ST7: variants seen among roughly 807,000 people sequenced by gnomAD.
ST7 encodes the protein suppressor of tumorigenicity 7 protein.
In ST7, 28 loss-of-function variants were observed where a neutral mutation model predicts 78.7. The observed-to-expected ratio is 0.36, with a 90% CI of 0.26 to 0.49. ST7 has a LOEUF of 0.49. Among genes scored for constraint, ST7 ranks in the 20% least tolerant of loss-of-function variants. The pLI, the probability that ST7 is intolerant of heterozygous loss-of-function variation, is 0.99. For synonymous variants in ST7, 247 were observed against 249.6 expected (o/e 0.99, Z 0.10); for missense variants, 418 against 696.0 (o/e 0.60, Z 4.49).
At position 117,132,052 on chromosome 7, in the gene ST7, G is replaced by A. The variant is rs896559615; in HGVS notation, c.641+92G>A. On this transcript the variant is annotated intron_variant, in intron 6 of 15. Coordinates refer to ENST00000323984, the MANE Select transcript of ST7 (RefSeq NM_001369598.1). ...ATTGATAGGATACTTAAATTAAACT[G>A]CATTTGAACTGGAGGATTATTTGGG... 6.4e-6 allele frequency: 8 copies of A among 1,241,312 alleles called. No individual in the cohort carries two copies. In the African/African-American group the frequency reaches 1.2e-4, roughly 19 times the overall value. 76.9% of individuals were successfully genotyped at this position (1,241,312 alleles called of 1,614,324 possible).
chr7:117,198,437 G>C (rs1282952958), intron 12 of ST7: 2 of 375,924 alleles, frequency 5.3e-6, no homozygotes, highest in East Asian at 1.7e-4. Context: ...CCTTGGCCTT[G>C]AGGACCCTCA....
At chr7:117,053,268 G>T (rs1282718415) in intron 1 of ST7, among the ~76,000 whole-genome samples, 1 of 152,130 alleles carries the variant, frequency 6.6e-6, no homozygotes, top group Non-Finnish European at 1.5e-5. Flanking sequence ...ATAATGATCA[G>T]GGCATCAGAA....
rs564739235 is a variant in ST7 at position 116,971,526 on chromosome 7, T to A, written c.151+17835T>A. On this transcript the variant is annotated intron_variant, in intron 1 of 15. Transcript: ENST00000323984. Reference sequence around the variant, plus strand: ...TGGTCAATTCTAATGAAAAAAAAAATAAGAAAAAAGAAATAATGTTGTCCA... The same window carrying A: ...TGGTCAATTCTAATGAAAAAAAAAAAAAGAAAAAAGAAATAATGTTGTCCA... 7.3e-5 allele frequency among the ~76,000 whole-genome samples: 11 copies of A among 151,682 alleles called. No individual in the cohort carries two copies. The South Asian group carries it at 2.3e-3, about 32-fold the overall frequency.
intron 9 of ST7, among the ~76,000 whole-genome samples, chr7:117,141,802 T>TG (rs1208275992): frequency 2.0e-5 from 3 of 152,230 alleles, no homozygotes; most frequent in Non-Finnish European, 2.9e-5. Context: ...CCCAAAGAGC[T>TG]GGGACTGCAG....
At chr7:117,134,314 A>G (rs528532366) in intron 7 of ST7, 122 bp downstream of exon 7, 4 of 1,423,232 alleles carry the variant, frequency 2.8e-6, no homozygotes, top group East Asian at 4.6e-5. Context: ...GTGTTGTGAC[A>G]AGGATGCATC....
At chr7:117,170,742 A>T in intron 9 of ST7, 120 bp from the exon 10 acceptor site, 1 of 332,378 alleles carries the variant, frequency 3.0e-6, no homozygotes, top group Non-Finnish European at 5.3e-6. Flanking sequence ...TAATCATTTT[A>T]CTTTGTGTAT....
intron 12 of ST7, among the ~76,000 whole-genome samples, chr7:117,199,330 C>T (rs867559408): frequency 1.4e-4 from 21 of 152,284 alleles, no homozygotes; most frequent in South Asian, 6.2e-4. Context: ...TCCTTCCTCC[C>T]TGCCCCTGCA....
chr7:116,998,531 G>A (rs946701458), intron 1 of ST7, among the ~76,000 whole-genome samples: 1 of 152,260 alleles, frequency 6.6e-6, no homozygotes, highest in African/African-American at 2.4e-5. Flanking sequence ...AGCAAGGGCT[G>A]CGAGGGCTGC....
chr7:117,065,799 C>T (rs2428286), intron 1 of ST7, among the ~76,000 whole-genome samples: 15,611 of 152,172 alleles, frequency 0.1, 864 homozygotes, highest in East Asian at 0.13. Flanking sequence ...GTTCAAAAAC[C>T]GTCAGTGATT....
intron 2 of ST7, among the ~76,000 whole-genome samples, chr7:117,105,778 G>T (rs188325526): frequency 6.6e-6 from 1 of 152,254 alleles, no homozygotes. Flanking sequence ...ACCCTGATTT[G>T]ATCTTTACAT....
chr7:117,015,842 C>A (rs553931689), intron 1 of ST7, among the ~76,000 whole-genome samples: 2 of 152,064 alleles, frequency 1.3e-5, no homozygotes, highest in South Asian at 2.1e-4. Flanking sequence ...AACTAAAGAA[C>A]GAAGAATTGG....
intron 1 of ST7, among the ~76,000 whole-genome samples, chr7:117,024,743 G>A (rs982705671): frequency 6.6e-6 from 1 of 152,188 alleles, no homozygotes; most frequent in African/African-American, 2.4e-5. Flanking sequence ...TGTGTCAGGG[G>A]ATCAGGAGTC....
intron 12 of ST7, among the ~76,000 whole-genome samples, chr7:117,207,050 G>A (rs1180691662): frequency 6.6e-6 from 1 of 151,952 alleles, no homozygotes; most frequent in African/African-American, 2.4e-5. Flanking sequence ...TATTGAAAAC[G>A]GATGGCACAT....
intron 10 of ST7, among the ~76,000 whole-genome samples, chr7:117,183,591 C>T (rs190468009): frequency 8.1e-4 from 124 of 152,236 alleles, no homozygotes; most frequent in Middle Eastern, 3.4e-3. Flanking sequence ...CTCATACTCC[C>T]TTCTAGCCAA....
chr7:117,043,553 T>C (rs1797338946), intron 1 of ST7, among the ~76,000 whole-genome samples: 1 of 152,222 alleles, frequency 6.6e-6, no homozygotes, highest in Admixed American at 6.5e-5. Context: ...ACAAGCCTTC[T>C]CAGAAGAGGT....
chr7:116,956,970 G>A, intron 1 of ST7: 1 of 203,470 alleles, frequency 4.9e-6, no homozygotes, highest in Non-Finnish European at 1.0e-5. Flanking sequence ...CCAAACAAAG[G>A]GACAAAGTTG....
At chr7:116,970,723 G>A (rs1320296110) in intron 1 of ST7, among the ~76,000 whole-genome samples, 1 of 152,096 alleles carries the variant, frequency 6.6e-6, no homozygotes, top group African/African-American at 2.4e-5. Context: ...TTGGCTTTCT[G>A]GACTGATTGT....
rs556494592 is a variant in ST7 at position 117,119,306 on chromosome 7, A to C, written c.235-255A>C. Among the ~76,000 whole-genome samples the C allele has an allele frequency of 3.0e-3, 454 of 152,320 alleles. 2 individuals are homozygous for C. The highest frequency in any genetic ancestry group is 5.4e-3 in the Non-Finnish European group (366 of 68,026). On this transcript the variant is annotated intron_variant, in intron 2 of 15. Transcript: ENST00000323984. ...ATAAATTTGGAGAAAAATTATATTG[A>C]GCAGTTCTTAACAGTGTTCTTTTAT... is the stretch of plus-strand genomic sequence containing the variant.
chr7:116,959,612 G>A (rs1333170907), intron 1 of ST7: 2 of 174,086 alleles, frequency 1.1e-5, no homozygotes, highest in African/African-American at 4.8e-5. Flanking sequence ...TTAGATTGTG[G>A]TCAGAGGCTG....
Sources: allele counts gnomAD v4.1 joint callset (sites outside exome capture counted in the v4.1 genomes callset), GRCh38; gene constraint gnomAD v4.1.1; transcripts MANE v1.5; gene names NCBI Gene and HGNC (gene_info 2026-07-23, HGNC 2026-07-21).